The following CA10 variants were observed in gnomAD, a reference collection of about 807,000 sequenced individuals.
CA10 encodes the protein carbonic anhydrase 10 (inactive), also known as carbonic anhydrase-related protein 10.
Under a neutral mutation model 44.2 loss-of-function variants are expected in CA10, and 14 were observed. The ratio of observed to expected loss-of-function variants is 0.32; its 90% CI spans 0.21 to 0.50. The LOEUF is 0.50. CA10 is among the 20% of genes least tolerant of loss of function. The pLI is 0.99. For synonymous variants in CA10, 159 were observed against 141.6 expected (o/e 1.12, Z -0.87); for missense variants, 350 against 409.7 (o/e 0.85, Z 1.26).
intron 3 of CA10, among the ~76,000 whole-genome samples, chr17:51,807,140 G>A (rs891033999): frequency 1.3e-4 from 20 of 152,174 alleles, no homozygotes; most frequent in African/African-American, 2.9e-4. Flanking sequence ...GAAATGCCAC[G>A]TCTGGGACAC....
chr17:51,781,273 C>A (rs1405896335), intron 3 of CA10, among the ~76,000 whole-genome samples: 1 of 152,182 alleles, frequency 6.6e-6, no homozygotes. Context: ...ATTATAATAT[C>A]TGAGATAAAT....
chr17:51,924,137 G>A (rs1339685462), intron 3 of CA10, among the ~76,000 whole-genome samples: 1 of 152,162 alleles, frequency 6.6e-6, no homozygotes, highest in African/African-American at 2.4e-5. Context: ...TAGCTAAAGA[G>A]ATCAAGAGGA....
intron 3 of CA10, among the ~76,000 whole-genome samples, chr17:51,757,990 G>A (rs753956722): frequency 7.2e-5 from 11 of 152,106 alleles, no homozygotes; most frequent in Non-Finnish European, 1.6e-4. Context: ...AGACTGGAGC[G>A]ATCTGCTTCG....
At chr17:51,879,921 A>C (rs1025476019) in intron 3 of CA10, among the ~76,000 whole-genome samples, 1 of 152,146 alleles carries the variant, frequency 6.6e-6, no homozygotes, top group African/African-American at 2.4e-5. Flanking sequence ...GTATGCTTTG[A>C]TATCTGGGGC....
intron 6 of CA10, among the ~76,000 whole-genome samples, chr17:51,647,284 C>A (rs546465506): frequency 4.4e-4 from 67 of 152,268 alleles, no homozygotes; most frequent in African/African-American, 1.6e-3. Context: ...GCTTATTGGG[C>A]GTGCCTCGTC....
intron 2 of CA10, among the ~76,000 whole-genome samples, chr17:51,992,231 A>AC (rs753261801): frequency 7.2e-5 from 11 of 152,050 alleles, no homozygotes; most frequent in Non-Finnish European, 1.6e-4. Flanking sequence ...GAGTTACAAT[A>AC]CCCCTCTTAA....
intron 4 of CA10, among the ~76,000 whole-genome samples, chr17:51,700,711 C>A (rs931282904): frequency 6.6e-6 from 1 of 152,182 alleles, no homozygotes; most frequent in Non-Finnish European, 1.5e-5. Context: ...CACTTACCGT[C>A]GCCTAACATT....
At chr17:51,649,479 G>C (rs1440942488) in intron 5 of CA10, among the ~76,000 whole-genome samples, 1 of 152,210 alleles carries the variant, frequency 6.6e-6, no homozygotes, top group Non-Finnish European at 1.5e-5. Context: ...ATAGTGTGAA[G>C]AGTGCTATGA....
intron 3 of CA10, among the ~76,000 whole-genome samples, chr17:51,805,929 C>T (rs1328395601): frequency 6.6e-6 from 1 of 152,166 alleles, no homozygotes; most frequent in Non-Finnish European, 1.5e-5. Context: ...AGGATGAGAA[C>T]AAACCAGCTG....
intron 3 of CA10, among the ~76,000 whole-genome samples, chr17:51,786,665 G>A (rs1020330445): frequency 6.6e-6 from 1 of 151,770 alleles, no homozygotes; most frequent in Non-Finnish European, 1.5e-5. Flanking sequence ...CTCTTGCTAG[G>A]AATTCCAGTA....
chr17:51,947,891 G>A (rs1241321404), intron 2 of CA10, among the ~76,000 whole-genome samples: 1 of 152,020 alleles, frequency 6.6e-6, no homozygotes. Flanking sequence ...AGGAGAATAT[G>A]AAACATGCCT....
intron 3 of CA10, among the ~76,000 whole-genome samples, chr17:51,753,327 T>G (rs1443935212): frequency 6.6e-6 from 1 of 152,222 alleles, no homozygotes; most frequent in Non-Finnish European, 1.5e-5. Flanking sequence ...CCTGGTGTAT[T>G]TATTTTGCAA....
intron 3 of CA10, among the ~76,000 whole-genome samples, chr17:51,805,949 T>A (rs899415535): frequency 2.6e-5 from 4 of 151,860 alleles, no homozygotes; most frequent in South Asian, 4.2e-4. Flanking sequence ...GTGCAAACAG[T>A]GTGTAGAAGA....
intron 1 of CA10, among the ~76,000 whole-genome samples, chr17:52,135,967 A>C (rs1197914469): frequency 6.6e-6 from 1 of 152,196 alleles, no homozygotes; most frequent in African/African-American, 2.4e-5. Context: ...CCCTCTTTGC[A>C]TAGGCTGCTA....
intron 1 of CA10, among the ~76,000 whole-genome samples, chr17:52,104,365 G>A (rs1598216647): frequency 6.6e-6 from 1 of 152,064 alleles, no homozygotes; most frequent in African/African-American, 2.4e-5. Flanking sequence ...ACCATGCCCA[G>A]CTAATTCTTG....
intron 4 of CA10, among the ~76,000 whole-genome samples, chr17:51,692,722 G>A (rs1915257740): frequency 6.6e-6 from 1 of 152,164 alleles, no homozygotes; most frequent in African/African-American, 2.4e-5. Context: ...GTGTTTCTAA[G>A]TTTTCACAAT....
chr17:52,022,093 T>G (rs1367245887), intron 2 of CA10, among the ~76,000 whole-genome samples: 5 of 152,014 alleles, frequency 3.3e-5, no homozygotes, highest in Non-Finnish European at 2.9e-5. Context: ...GACTCCTCCC[T>G]AATTCATTTG....
chr17:52,045,399 T>C (rs751489103), intron 2 of CA10, among the ~76,000 whole-genome samples: 12 of 152,156 alleles, frequency 7.9e-5, no homozygotes, highest in Non-Finnish European at 1.3e-4. Flanking sequence ...AAAAGTTAAA[T>C]ATTTGGATAA....
At chr17:52,078,039 G>T (rs896441199) in intron 1 of CA10, among the ~76,000 whole-genome samples, 3 of 152,176 alleles carry the variant, frequency 2.0e-5, no homozygotes, top group Admixed American at 2.0e-4. Flanking sequence ...ACACCAACAA[G>T]TCTTTGGATC....
Sources: gnomAD v4.1 joint callset for allele counts (sites outside exome capture counted in the v4.1 genomes callset) on GRCh38, gnomAD v4.1.1 for gene constraint, MANE v1.5 for transcripts, NCBI Gene and HGNC (gene_info 2026-07-23, HGNC 2026-07-21) for gene names.